MAN1A1: variants seen among roughly 807,000 people sequenced by gnomAD.
The protein encoded by MAN1A1 is mannosidase alpha class 1A member 1, also known as mannosyl-oligosaccharide 1,2-alpha-mannosidase IA.
MAN1A1 carries 29 observed loss-of-function variants against 70.8 expected under a neutral mutation model. The ratio of observed to expected loss-of-function variants is 0.41; its 90% CI spans 0.31 to 0.56. The LOEUF is 0.56. Among genes scored for constraint, MAN1A1 ranks in the 20% least tolerant of loss-of-function variants. MAN1A1 has a pLI of 0.29. For missense variants in MAN1A1, 747 were observed against 841.3 expected, an observed-to-expected ratio of 0.89 and a Z score of 1.39; for synonymous variants, 349 against 330.1, an observed-to-expected ratio of 1.06 and a Z score of -0.62.
chr6:119,217,972 T>A (rs1774255763), intron 6 of MAN1A1, among the ~76,000 whole-genome samples: 1 of 152,242 alleles, frequency 6.6e-6, no homozygotes, highest in Non-Finnish European at 1.5e-5. Context: ...GCTGCATAGT[T>A]ACATTCCATA....
intron 7 of MAN1A1, among the ~76,000 whole-genome samples, chr6:119,203,608 A>G (rs578254770): frequency 1.3e-5 from 2 of 152,196 alleles, no homozygotes; most frequent in African/African-American, 4.8e-5. Context: ...GATGGATCCC[A>G]GATCAGGACA....
chr6:119,305,355 C>A (rs1772499403), intron 3 of MAN1A1, among the ~76,000 whole-genome samples: 1 of 151,930 alleles, frequency 6.6e-6, no homozygotes, highest in Non-Finnish European at 1.5e-5. Flanking sequence ...GAGATAAAAG[C>A]AAAATGGAGT....
At chr6:119,284,326 CACT>C (rs1394557713) in intron 5 of MAN1A1, among the ~76,000 whole-genome samples, 11 of 152,058 alleles carry the variant, frequency 7.2e-5, no homozygotes, top group African/African-American at 2.7e-4. Flanking sequence ...CAGGTGAGGA[CACT>C]ATATAAAAAC....
intron 4 of MAN1A1, among the ~76,000 whole-genome samples, chr6:119,298,599 C>CTT (rs747748603): frequency 5.8e-5 from 8 of 138,022 alleles, no homozygotes; most frequent in Non-Finnish European, 7.9e-5. Context: ...ATTAACTTTT[C>CTT]TTTTTTTTTT....
In MAN1A1 at chr6:119,178,339, A is replaced by G. The variant is rs934619809; in HGVS notation, c.*1480T>C. On this transcript the variant is annotated 3_prime_UTR_variant, in exon 13 of 13. Coordinates refer to ENST00000368468, the MANE Select transcript of MAN1A1 (RefSeq NM_005907.4). ...TTTAAACTACAAATGCAGCAATTTCATATGTTTCAGCCTAATCCATGGGGT... is the reference window on the plus strand; with the variant it reads ...TTTAAACTACAAATGCAGCAATTTCGTATGTTTCAGCCTAATCCATGGGGT... 1.3e-5 allele frequency: 2 copies of G among 152,150 alleles called. No homozygotes were observed. The highest frequency in any genetic ancestry group is 4.8e-5 in the African/African-American group (2 of 41,462). The allele number at this position is 152,150 out of a possible 1,614,324, so 9.4% of individuals were successfully genotyped here. A position where few individuals can be genotyped will look rare whatever the true frequency, so the allele number is the denominator to read the frequency against.
chr6:119,313,437 T>C lies in MAN1A1; in HGVS notation c.604-6445A>G, dbSNP rs3778109. ...AATTTTACCCCATATGAAATTCAAATACTCATTCACATGCTTTGCTCTTTC... is the reference window on the plus strand; with the variant it reads ...AATTTTACCCCATATGAAATTCAAACACTCATTCACATGCTTTGCTCTTTC... On this transcript the variant is annotated intron_variant, in intron 2 of 12. Coordinates refer to ENST00000368468, the MANE Select transcript of MAN1A1 (RefSeq NM_005907.4). 5.9e-3 allele frequency among the ~76,000 whole-genome samples: 894 copies of C among 152,270 alleles called. 28 individuals carry two copies. In the East Asian group the frequency reaches 0.09, roughly 15 times the overall value.
intron 2 of MAN1A1, among the ~76,000 whole-genome samples, chr6:119,325,127 A>G (rs1773112984): frequency 6.6e-6 from 1 of 152,158 alleles, no homozygotes; most frequent in African/African-American, 2.4e-5. Context: ...ATATCAACAC[A>G]TTTAATTTAA....
chr6:119,235,714 G>A (rs1308277504), intron 6 of MAN1A1, among the ~76,000 whole-genome samples: 1 of 152,166 alleles, frequency 6.6e-6, no homozygotes, highest in African/African-American at 2.4e-5. Flanking sequence ...TGCCATCTAG[G>A]ATTTTCATAG....
At chr6:119,221,162 C>T (rs1424571016) in intron 6 of MAN1A1, among the ~76,000 whole-genome samples, 1 of 151,094 alleles carries the variant, frequency 6.6e-6, no homozygotes, top group East Asian at 1.9e-4. Flanking sequence ...TTTTTTTAGG[C>T]TCCAATCTTT....
intron 2 of MAN1A1, among the ~76,000 whole-genome samples, chr6:119,340,372 T>C (rs770829699): frequency 6.6e-6 from 1 of 152,168 alleles, no homozygotes; most frequent in Non-Finnish European, 1.5e-5. Context: ...ACCCCCAGTG[T>C]AGGCTAGGAT....
chr6:119,220,851 T>G (rs939821240), intron 6 of MAN1A1, among the ~76,000 whole-genome samples: 3 of 152,066 alleles, frequency 2.0e-5, no homozygotes, highest in Admixed American at 6.6e-5. Context: ...TTATTAGCAC[T>G]GAAAATTGAG....
intron 6 of MAN1A1, among the ~76,000 whole-genome samples, chr6:119,239,457 T>C (rs986642270): frequency 6.6e-6 from 1 of 152,204 alleles, no homozygotes; most frequent in Non-Finnish European, 1.5e-5. Context: ...GCAGGAAACA[T>C]GGAGTAGTTA....
intron 5 of MAN1A1, among the ~76,000 whole-genome samples, chr6:119,282,039 C>A (rs759495246): frequency 2.0e-5 from 3 of 152,120 alleles, no homozygotes; most frequent in African/African-American, 7.2e-5. Context: ...TGCACTCCAG[C>A]CTGGGCGGCA....
At chr6:119,327,963 A>C (rs1173940960) in intron 2 of MAN1A1, among the ~76,000 whole-genome samples, 1 of 152,176 alleles carries the variant, frequency 6.6e-6, no homozygotes, top group African/African-American at 2.4e-5. Flanking sequence ...GAATTTTGCC[A>C]ACAACCTGAA....
intron 4 of MAN1A1, among the ~76,000 whole-genome samples, chr6:119,296,863 A>G (rs547129961): frequency 3.0e-4 from 45 of 152,168 alleles, no homozygotes; most frequent in Non-Finnish European, 5.7e-4. Flanking sequence ...CTGATCATCT[A>G]TCCTTTGCCA....
At chr6:119,298,565 T>C (rs1311554600) in intron 4 of MAN1A1, among the ~76,000 whole-genome samples, 1 of 152,008 alleles carries the variant, frequency 6.6e-6, no homozygotes, top group Non-Finnish European at 1.5e-5. Context: ...ATTTTTATTT[T>C]CCCTTTGCAA....
At chr6:119,244,935 T>C (rs73767293) in intron 6 of MAN1A1, among the ~76,000 whole-genome samples, 80 of 152,224 alleles carry the variant, frequency 5.3e-4, no homozygotes, top group African/African-American at 1.9e-3. Flanking sequence ...CAGGAGAGAC[T>C]CAAATAAATG....
chr6:119,282,408 T>G (rs917853246), intron 5 of MAN1A1, among the ~76,000 whole-genome samples: 1 of 152,220 alleles, frequency 6.6e-6, no homozygotes, highest in Non-Finnish European at 1.5e-5. Context: ...AAGCAGTAAT[T>G]TCTTTTGACT....
intron 5 of MAN1A1, among the ~76,000 whole-genome samples, chr6:119,258,677 A>AT (rs1304246146): frequency 2.0e-5 from 3 of 152,134 alleles, no homozygotes; most frequent in East Asian, 3.8e-4. Context: ...ACACTAGTGA[A>AT]TTTTTTTCCT....
Sources: gnomAD v4.1 joint callset for allele counts (sites outside exome capture counted in the v4.1 genomes callset) on GRCh38, gnomAD v4.1.1 for gene constraint, MANE v1.5 for transcripts, NCBI Gene and HGNC (gene_info 2026-07-23, HGNC 2026-07-21) for gene names.